The following DOCK9 variants were observed in gnomAD, a reference collection of about 807,000 sequenced individuals.
The protein encoded by DOCK9 is dedicator of cytokinesis protein 9.
Under a neutral mutation model 263.3 loss-of-function variants are expected in DOCK9, and 89 were observed. The ratio of observed to expected loss-of-function variants is 0.34; its 90% confidence interval spans 0.28 to 0.40. The LOEUF is 0.40. Among genes scored for constraint, DOCK9 ranks in the 10% least tolerant of loss-of-function variants. The pLI, the probability that DOCK9 is intolerant of heterozygous loss-of-function variation, is 1.00. For synonymous variants in DOCK9, 976 were observed against 973.1 expected, an observed-to-expected ratio of 1.00 and a Z score of -0.06; for missense variants, 2,140 against 2,603.4, an observed-to-expected ratio of 0.82 and a Z score of 3.87.
intron 1 of DOCK9, among the ~76,000 whole-genome samples, chr13:98,976,688 A>G (rs571622129): frequency 6.6e-6 from 1 of 152,330 alleles, no homozygotes; most frequent in African/African-American, 2.4e-5. Flanking sequence ...AAGAAACCTA[A>G]ATCTCTAAGA....
At chr13:98,913,143 C>T (rs2050326976) in intron 9 of DOCK9, among the ~76,000 whole-genome samples, 1 of 152,186 alleles carries the variant, frequency 6.6e-6, no homozygotes, top group African/African-American at 2.4e-5. Flanking sequence ...AGATTTTACA[C>T]TTGAGAACAG....
intron 50 of DOCK9, 47 bp downstream of exon 50, chr13:98,800,241 G>T (rs768339302): frequency 6.6e-7 from 1 of 1,523,702 alleles, no homozygotes; most frequent in Non-Finnish European, 8.8e-7. Flanking sequence ...GTCACCCAGG[G>T]GCAAGGACGT....
chr13:98,928,748 T>G (rs1366218817), intron 3 of DOCK9, among the ~76,000 whole-genome samples: 1 of 152,212 alleles, frequency 6.6e-6, no homozygotes, highest in Non-Finnish European at 1.5e-5. Flanking sequence ...AATAAAACTT[T>G]ATTTACAAAA....
At chr13:98,947,207 C>T (rs1225989489) in intron 2 of DOCK9, among the ~76,000 whole-genome samples, 9 of 152,124 alleles carry the variant, frequency 5.9e-5, no homozygotes. Flanking sequence ...TTAAGACATA[C>T]CTTTATCTCC....
intron 1 of DOCK9, among the ~76,000 whole-genome samples, chr13:99,037,017 ACT>A (rs1293328165): frequency 1.3e-5 from 2 of 152,094 alleles, no homozygotes; most frequent in East Asian, 3.8e-4. Flanking sequence ...TAGAGCTCAG[ACT>A]CTGATGGATT....
upstream of DOCK9, among the ~76,000 whole-genome samples, chr13:98,981,568 G>C (rs1396538131): frequency 6.6e-6 from 1 of 152,298 alleles, no homozygotes; most frequent in East Asian, 1.9e-4. Flanking sequence ...TGAGTCCACC[G>C]CCTTCCAGCT....
chr13:99,055,016 G>A (rs2040854085), intron 1 of DOCK9, among the ~76,000 whole-genome samples: 1 of 152,238 alleles, frequency 6.6e-6, no homozygotes, highest in Non-Finnish European at 1.5e-5. Context: ...AATGAAGCAG[G>A]GAAAGAATTG....
At chr13:99,042,458 C>T (rs113761315) in intron 1 of DOCK9, among the ~76,000 whole-genome samples, 37 of 152,286 alleles carry the variant, frequency 2.4e-4, no homozygotes, top group African/African-American at 7.9e-4. Context: ...AAATGGGGGA[C>T]GTGAGTCCCA....
intron 9 of DOCK9, among the ~76,000 whole-genome samples, chr13:98,905,956 C>A: frequency 6.6e-6 from 1 of 152,158 alleles, no homozygotes; most frequent in East Asian, 1.9e-4. Context: ...GTTATCACAC[C>A]AGCCTCCCAG....
At chr13:98,977,757 G>C (rs772901219) in intron 1 of DOCK9, 27 bp downstream of exon 1, 1 of 1,608,916 alleles carries the variant, frequency 6.2e-7, no homozygotes. Flanking sequence ...GGTAGACACA[G>C]CAACACTTTG....
Position 98,825,931 on chromosome 13 carries a change from T to A in DOCK9, c.5023+899A>T. 6.5e-7 allele frequency: 1 copy of A among 1,548,994 alleles called. No individual in the cohort carries two copies. The highest frequency in any genetic ancestry group is 8.7e-7 in the Non-Finnish European group (1 of 1,146,264). On this transcript the variant is annotated intron_variant, in intron 44 of 52. Transcript: ENST00000682017. The surrounding 1 kb of genome is among the most constrained non-coding windows in gnomAD (Gnocchi z 4.1). ...GTGGGGGAGAAGGGGCGGCTCCCACTGGACTGCTTCTAAACATGAGGAAAT... is the reference window on the plus strand; with the variant it reads ...GTGGGGGAGAAGGGGCGGCTCCCACAGGACTGCTTCTAAACATGAGGAAAT...
chr13:98,802,580 G>T (rs1343178883), intron 49 of DOCK9, among the ~76,000 whole-genome samples: 5 of 152,220 alleles, frequency 3.3e-5, no homozygotes, highest in Non-Finnish European at 1.5e-5. Context: ...AAAGTTCCAT[G>T]AAAGAAGTGG....
chr13:98,953,745 G>A (rs1177867902), intron 2 of DOCK9, among the ~76,000 whole-genome samples: 1 of 152,176 alleles, frequency 6.6e-6, no homozygotes, highest in Admixed American at 6.5e-5. Flanking sequence ...ATCATTCAGA[G>A]GTTCTCATTT....
chr13:98,922,196 T>TTGC (rs1806090141), intron 5 of DOCK9, 50 bp from the exon 6 acceptor site: 2 of 1,434,340 alleles, frequency 1.4e-6, no homozygotes, highest in Non-Finnish European at 1.9e-6. Flanking sequence ...ATTACCTGGG[T>TTGC]TGCTTGCTGT....
At chr13:98,800,091 T>C (rs941899398) in intron 50 of DOCK9, among the ~76,000 whole-genome samples, 197 bp downstream of exon 50, 6 of 151,974 alleles carry the variant, frequency 3.9e-5, no homozygotes, top group African/African-American at 1.4e-4. Flanking sequence ...TCAGTCCTCA[T>C]GGGGCGGGGG....
intron 1 of DOCK9, among the ~76,000 whole-genome samples, chr13:99,053,284 C>T (rs1053324918): frequency 1.3e-5 from 2 of 152,134 alleles, no homozygotes; most frequent in Admixed American, 1.3e-4. Flanking sequence ...TACAAATTTG[C>T]AGGAGAGCAA....
At chr13:99,036,646 A>G (rs539099053) in intron 1 of DOCK9, among the ~76,000 whole-genome samples, 30 of 152,232 alleles carry the variant, frequency 2.0e-4, no homozygotes, top group Admixed American at 1.4e-3. Flanking sequence ...GATTCAAGTG[A>G]TTCTCCTGCC....
At chr13:98,923,166 T>G in intron 5 of DOCK9, 136 bp downstream of exon 5, 1 of 759,134 alleles carries the variant, frequency 1.3e-6, no homozygotes, top group Admixed American at 2.4e-5. Flanking sequence ...TTTTAAAAAA[T>G]TATTCCCGTT....
rs77350263 is a variant in DOCK9 at position 98,950,533 on chromosome 13, G to C, written c.243+4902C>G. 1,831 of 350,754 alleles carry C rather than the reference G, an allele frequency of 5.2e-3. 33 individuals are homozygous for C. Among genetic ancestry groups the C allele is most frequent in the African/African-American group, 0.035 (1,647 of 46,482 alleles). 21.7% of individuals were successfully genotyped at this position (350,754 alleles called of 1,614,324 possible). On this transcript the variant is annotated intron_variant, in intron 2 of 52. Coordinates refer to ENST00000682017, the MANE Select transcript of DOCK9 (RefSeq NM_001366683.2). The stretch of plus-strand genomic sequence containing the variant: ...GTCCAGGGTGGTCTTGAACTTCTAG[G>C]CTTAAGCAATCCTCCCACCTTGGTC...
Sources: gnomAD v4.1 joint callset for allele counts (sites outside exome capture counted in the v4.1 genomes callset) on GRCh38, gnomAD v4.1.1 for gene constraint, Gnocchi (gnomAD v3.1) non-coding constraint, MANE v1.5 for transcripts, NCBI Gene and HGNC (gene_info 2026-07-23, HGNC 2026-07-21) for gene names.